The following POP1 variants were observed in gnomAD, a reference collection of about 807,000 sequenced individuals.
The protein encoded by POP1 is POP1 ribonuclease P/MRP subunit, also known as ribonucleases P/MRP protein subunit POP1.
A neutral mutation model predicts 102.2 loss-of-function variants in POP1; 75 were observed. The observed-to-expected ratio is 0.73, with a 90% CI of 0.61 to 0.89. The LOEUF (loss-of-function observed/expected upper bound fraction) is 0.89. Among genes scored for constraint, POP1 ranks in the 40% least tolerant of loss-of-function variants. The pLI, the probability that POP1 is intolerant of heterozygous loss-of-function variation, is 0.00. For missense variants in POP1, 1,116 were observed against 1,267.4 expected (o/e 0.88, Z 1.81); for synonymous variants, 436 against 464.1 (o/e 0.94, Z 0.78).
In POP1 at chr8:98,124,515, C is replaced by T. The variant is rs566030896; in HGVS notation, c.142+1036C>T. On this transcript the variant is annotated intron_variant, in intron 2 of 15. Coordinates refer to ENST00000401707, the MANE Select transcript of POP1 (RefSeq NM_001145860.2). ...GGTGGAGGTTGCAGTGAGCCAAGATCGTGCCACTGCACTCCAGCCTGGGTG... is the reference window on the plus strand; with the variant it reads ...GGTGGAGGTTGCAGTGAGCCAAGATTGTGCCACTGCACTCCAGCCTGGGTG... Among the ~76,000 whole-genome samples, 20 of 151,480 alleles carry T rather than the reference C, an allele frequency of 1.3e-4. No homozygotes were observed. In the South Asian group the frequency reaches 3.3e-3, roughly 25 times the overall value.
chr8:98,133,374 A>G (rs1015788628), intron 5 of POP1, among the ~76,000 whole-genome samples: 1 of 152,180 alleles, frequency 6.6e-6, no homozygotes, highest in Non-Finnish European at 1.5e-5. Flanking sequence ...TACTGTGCTT[A>G]AAGTTGCATA....
Position 98,127,686 on chromosome 8 carries a change from A to G in POP1, c.234A>G (p.Lys78=). The stretch of plus-strand genomic sequence containing the variant: ...AAGTGAATGAGCAGTCTTCCTCCAA[A>G]GGGATGTTTAGAAAAAAGGGAGGAT... ...DPEVNEQSSS[K]GMFRKKGGWK... The change falls in exon 3 of 16, where the codon AAA becomes AAG. Residue 78 remains lysine, a synonymous_variant. Coordinates refer to ENST00000401707, the MANE Select transcript of POP1 (RefSeq NM_001145860.2). 1.9e-6 allele frequency: 3 copies of G among 1,614,076 alleles called. No individual in the cohort carries two copies. Among genetic ancestry groups the G allele is most frequent in the Non-Finnish European group, 2.5e-6 (3 of 1,179,990 alleles).
At chr8:98,148,750 G>C (rs1237239424) in intron 12 of POP1, 65 bp from the exon 13 acceptor site, 1 of 1,404,690 alleles carries the variant, frequency 7.1e-7, no homozygotes, top group East Asian at 2.4e-5. Flanking sequence ...TGCTTATAGG[G>C]AGACCCAGGA....
intron 11 of POP1, among the ~76,000 whole-genome samples, chr8:98,145,685 C>T (rs1816824881): frequency 6.6e-6 from 1 of 152,102 alleles, no homozygotes; most frequent in African/African-American, 2.4e-5. Context: ...GCAGGTGGAT[C>T]ACTTGAGGTC....
intron 11 of POP1, 120 bp downstream of exon 11, chr8:98,141,008 T>TAAGGAGA: frequency 3.5e-6 from 4 of 1,148,600 alleles, no homozygotes; most frequent in Non-Finnish European, 3.9e-6. Context: ...ATTAGGGCAG[T>TAAGGAGA]CTCCTTACCT....
At chr8:98,157,549 A>G (rs1809682834) in intron 15 of POP1, 68 bp from the exon 16 acceptor site, 3 of 1,545,800 alleles carry the variant, frequency 1.9e-6, no homozygotes, top group Admixed American at 1.7e-5. Context: ...AGCAGTGTCT[A>G]ATCTTCTGAT....
At chr8:98,157,097 G>A (rs1004783406) in intron 15 of POP1, among the ~76,000 whole-genome samples, 8 of 151,830 alleles carry the variant, frequency 5.3e-5, no homozygotes, top group African/African-American at 4.8e-5. Context: ...GGCTGGTCTC[G>A]AACTCCTGAC....
chr8:98,129,132 A>C (rs930429921), intron 4 of POP1, among the ~76,000 whole-genome samples: 3 of 151,982 alleles, frequency 2.0e-5, no homozygotes, highest in South Asian at 2.1e-4. Flanking sequence ...TTAAAAAAAA[A>C]CTCTGACCCT....
intron 9 of POP1, among the ~76,000 whole-genome samples, chr8:98,139,773 C>T (rs562462061): frequency 9.9e-5 from 15 of 152,150 alleles, no homozygotes; most frequent in African/African-American, 2.7e-4. Context: ...GTTGGTACTG[C>T]GCTCTGGAGA....
chr8:98,137,517 A>G (rs1816580814), intron 9 of POP1, among the ~76,000 whole-genome samples: 1 of 151,950 alleles, frequency 6.6e-6, no homozygotes, highest in South Asian at 2.1e-4. Context: ...GGAACTCTTG[A>G]CCTCAGGTGA....
intron 14 of POP1, among the ~76,000 whole-genome samples, chr8:98,151,935 T>C (rs1426314849): frequency 1.3e-5 from 2 of 151,788 alleles, no homozygotes; most frequent in East Asian, 3.9e-4. Flanking sequence ...GGTTTTGCCA[T>C]GTTGCCCAGG....
At chr8:98,132,350 G>T (rs764906651) in intron 5 of POP1, among the ~76,000 whole-genome samples, 26 of 152,238 alleles carry the variant, frequency 1.7e-4, no homozygotes, top group Middle Eastern at 6.8e-3. Context: ...CTGACTCCAG[G>T]GTTCCACACT....
chr8:98,150,147 C>T (rs1033819311), intron 13 of POP1, among the ~76,000 whole-genome samples: 37 of 152,120 alleles, frequency 2.4e-4, no homozygotes, highest in Admixed American at 1.9e-3. Context: ...TTGCTACTAC[C>T]ATGCATATTT....
intron 5 of POP1, among the ~76,000 whole-genome samples, chr8:98,131,017 C>T (rs1046029289): frequency 6.6e-6 from 1 of 152,180 alleles, no homozygotes; most frequent in Non-Finnish European, 1.5e-5. Context: ...TGGCCTTGGC[C>T]AAATTTTGAA....
intron 12 of POP1, among the ~76,000 whole-genome samples, chr8:98,147,954 G>A (rs1445482595): frequency 1.3e-5 from 2 of 152,328 alleles, no homozygotes; most frequent in Non-Finnish European, 2.9e-5. Context: ...TGAATGGAGT[G>A]TGTGAATTGT....
chr8:98,134,298 T>A (rs1048790422), intron 6 of POP1, among the ~76,000 whole-genome samples, 174 bp from the exon 7 acceptor site: 1 of 152,258 alleles, frequency 6.6e-6, no homozygotes, highest in African/African-American at 2.4e-5. Flanking sequence ...TCATTACTCA[T>A]TTAACACATA....
chr8:98,122,126 G>A (rs972098927), intron 1 of POP1, among the ~76,000 whole-genome samples: 4 of 152,160 alleles, frequency 2.6e-5, no homozygotes, highest in Non-Finnish European at 4.4e-5. Context: ...ACCGCACCTG[G>A]CCTGGTTACA....
intron 11 of POP1, among the ~76,000 whole-genome samples, chr8:98,144,691 C>T (rs1040289700): frequency 6.6e-6 from 1 of 152,146 alleles, no homozygotes; most frequent in South Asian, 2.1e-4. Flanking sequence ...AAATCCCAAT[C>T]ATGTTCCCGA....
chr8:98,129,701 T>TCAGA, intron 4 of POP1, among the ~76,000 whole-genome samples: 1 of 152,326 alleles, frequency 6.6e-6, no homozygotes, highest in South Asian at 2.1e-4. Flanking sequence ...TTGAACATTT[T>TCAGA]ATAAGTATTC....
Sources: gnomAD v4.1 joint callset for allele counts (sites outside exome capture counted in the v4.1 genomes callset) on GRCh38, gnomAD v4.1.1 for gene constraint, MANE v1.5 for transcripts, NCBI Gene and HGNC (gene_info 2026-07-23, HGNC 2026-07-21) for gene names.